DGKB: variants seen among roughly 807,000 people sequenced by gnomAD.
The protein encoded by DGKB is diacylglycerol kinase beta, also known as 90 kDa diacylglycerol kinase.
A neutral mutation model predicts 114.3 loss-of-function variants in DGKB; 67 were observed. The observed-to-expected ratio is 0.59, with a 90% CI of 0.48 to 0.72. The LOEUF is 0.72. DGKB is among the 30% of genes least tolerant of loss of function. The pLI, the probability that DGKB is intolerant of heterozygous loss-of-function variation, is 0.00. For missense variants in DGKB, 907 were observed against 975.2 expected, an observed-to-expected ratio of 0.93 and a Z score of 0.93; for synonymous variants, 398 against 323.1, an observed-to-expected ratio of 1.23 and a Z score of -2.49.
intron 23 of DGKB, among the ~76,000 whole-genome samples, chr7:14,194,658 T>C (rs1254720253): frequency 6.6e-6 from 1 of 152,114 alleles, no homozygotes; most frequent in Non-Finnish European, 1.5e-5. Flanking sequence ...TATGCAGAAA[T>C]ACATATATTC....
At chr7:14,756,419 C>G (rs769844981) in intron 3 of DGKB, among the ~76,000 whole-genome samples, 2 of 151,736 alleles carry the variant, frequency 1.3e-5, no homozygotes, top group Non-Finnish European at 2.9e-5. Context: ...GGTCAAACAT[C>G]TATTTTTTTT....
At chr7:14,741,625 G>A (rs1258913708) in intron 4 of DGKB, among the ~76,000 whole-genome samples, 1 of 152,198 alleles carries the variant, frequency 6.6e-6, no homozygotes, top group African/African-American at 2.4e-5. Flanking sequence ...CCTGCTCCAT[G>A]AACAGCTTCT....
At chr7:14,469,960 T>C (rs962651440) in intron 21 of DGKB, among the ~76,000 whole-genome samples, 1 of 151,962 alleles carries the variant, frequency 6.6e-6, no homozygotes, top group African/African-American at 2.4e-5. Context: ...TATTTATCTG[T>C]ACACTATATG....
chr7:14,695,494 C>CTTTTTTTTTTTTTT lies in DGKB; in HGVS notation c.592-1314_592-1301dup. ...AATGTTCATTTCTCTCTCTCTCTCTCTTTTTTTTTTTTTTTTTTTTTTTGA... is the reference window on the plus strand; with the variant it reads ...AATGTTCATTTCTCTCTCTCTCTCTCTTTTTTTTTTTTTTTTTTTTTTTTTTTTTTTTTTTTTGA... On this transcript the variant is annotated intron_variant, in intron 8 of 25. Transcript: ENST00000402815. Among the ~76,000 whole-genome samples, 78 of 75,166 alleles carry CTTTTTTTTTTTTTT rather than the reference C, an allele frequency of 1.0e-3. 12 individuals are homozygous for CTTTTTTTTTTTTTT. Among genetic ancestry groups the CTTTTTTTTTTTTTT allele is most frequent in the East Asian group, 1.5e-3 (3 of 1,958 alleles). 49.3% of individuals were successfully genotyped at this position (75,166 alleles called of 152,430 possible).
intron 13 of DGKB, among the ~76,000 whole-genome samples, chr7:14,668,368 G>A (rs536600342): frequency 1.3e-5 from 2 of 152,204 alleles, no homozygotes; most frequent in African/African-American, 4.8e-5. Flanking sequence ...GGTTTCAGTA[G>A]CTGAGATACA....
chr7:14,749,957 G>A (rs764415551), intron 4 of DGKB, among the ~76,000 whole-genome samples: 1 of 152,068 alleles, frequency 6.6e-6, no homozygotes, highest in Non-Finnish European at 1.5e-5. Flanking sequence ...GATCCAACAC[G>A]ACTTTGCATC....
intron 2 of DGKB, among the ~76,000 whole-genome samples, chr7:14,815,992 ATT>A (rs1197646001): frequency 6.6e-6 from 1 of 152,178 alleles, no homozygotes; most frequent in African/African-American, 2.4e-5. Context: ...GCATTGCTAT[ATT>A]TTATCTCTGT....
chr7:14,675,378 C>T (rs1292816873), intron 12 of DGKB, among the ~76,000 whole-genome samples: 1 of 151,914 alleles, frequency 6.6e-6, no homozygotes, highest in Non-Finnish European at 1.5e-5. Flanking sequence ...TTGAGGGTTA[C>T]TGATGTAAGA....
Position 14,356,507 on chromosome 7 carries a change from G to A in DGKB, c.1836-11116C>T, listed in dbSNP as rs145169178. Among the ~76,000 whole-genome samples the A allele has an allele frequency of 9.9e-3, 1,502 of 151,806 alleles. 23 individuals carry two copies. The highest frequency in any genetic ancestry group is 0.011 in the Non-Finnish European group (755 of 67,884). ...CTCCCGAGTAGCTGGGACTACAGGT[G>A]CCTGCAACCACGCCCAGCTAATTTT... On this transcript the variant is annotated intron_variant, in intron 21 of 25. Coordinates refer to ENST00000402815, the MANE Select transcript of DGKB (RefSeq NM_001350709.2).
At chr7:14,942,690 C>G (rs73287078) in intron 1 of DGKB, among the ~76,000 whole-genome samples, 5,289 of 150,840 alleles carry the variant, frequency 0.035, 276 homozygotes, top group African/African-American at 0.12. Context: ...CTTTCAGGTT[C>G]TTTGACTTTT....
chr7:14,736,137 G>T lies in DGKB; in HGVS notation c.226C>A (p.Pro76Thr). 2 of 1,609,662 alleles carry T rather than the reference G, an allele frequency of 1.2e-6. No individual in the cohort carries two copies. The highest frequency in any genetic ancestry group is 1.7e-6 in the Non-Finnish European group (2 of 1,176,800). ...FMKTFLEAEL[P>T]DDFTAHLFMS... is the part of the protein sequence containing the mutation. ...AAAAGGTGTGCAGTGAAATCATCAGGAAGCTCGGCTTCCAGGAATGTCTTC... is the reference window on the plus strand; with the variant it reads ...AAAAGGTGTGCAGTGAAATCATCAGTAAGCTCGGCTTCCAGGAATGTCTTC... Residue 76 changes from proline to threonine, a missense_variant, in exon 5 of 26, where the codon CCT (proline) becomes ACT (threonine). Transcript: ENST00000402815.
chr7:14,460,268 T>C (rs547100004), intron 21 of DGKB, among the ~76,000 whole-genome samples: 1 of 152,026 alleles, frequency 6.6e-6, no homozygotes, highest in African/African-American at 2.4e-5. Flanking sequence ...TAAATGTAAA[T>C]GGGGGAAATG....
At chr7:14,636,547 T>C (rs1484807636) in intron 13 of DGKB, among the ~76,000 whole-genome samples, 1 of 151,846 alleles carries the variant, frequency 6.6e-6, no homozygotes, top group Non-Finnish European at 1.5e-5. Context: ...TCCAGTGTAC[T>C]AGGAAATCTG....
chr7:14,560,985 G>A (rs1796576417), intron 20 of DGKB, among the ~76,000 whole-genome samples: 1 of 152,120 alleles, frequency 6.6e-6, no homozygotes, highest in Non-Finnish European at 1.5e-5. Context: ...TTCATTATTT[G>A]AATGTCTTCT....
At position 14,338,571 on chromosome 7, in the gene DGKB, C is replaced by A; in HGVS notation, c.2066G>T (p.Gly689Val). The A allele has an allele frequency of 1.9e-6, 3 of 1,607,996 alleles. No homozygotes were observed. Among genetic ancestry groups the A allele is most frequent in the Non-Finnish European group, 2.5e-6 (3 of 1,177,096 alleles). Reference sequence around the variant, plus strand: ...TGTGACGGTGGTCCTTTTGTCAGACCCTTTTTTCTCTATTCGTCGATGGCT... The same window carrying A: ...TGTGACGGTGGTCCTTTTGTCAGACACTTTTTTCTCTATTCGTCGATGGCT... The part of the protein sequence containing the change: ...RRSHRRIEKK[G>V]SDKRTTVTDA... Residue 689 changes from glycine to valine, a missense_variant, in exon 23 of 26, where the codon GGG becomes GTG. Around this residue, in one of 3 missense-constraint regions of DGKB, gnomAD observed 814 missense variants for 856.6 expected, o/e 0.95. Transcript: ENST00000402815.
intron 1 of DGKB, among the ~76,000 whole-genome samples, chr7:14,948,389 C>A (rs940738745): frequency 2.0e-5 from 3 of 151,718 alleles, no homozygotes; most frequent in African/African-American, 7.2e-5. Context: ...AAGTGTCATG[C>A]ACTACTGGTT....
intron 2 of DGKB, among the ~76,000 whole-genome samples, chr7:14,804,685 A>G (rs565790064): frequency 6.6e-6 from 1 of 152,198 alleles, no homozygotes; most frequent in Non-Finnish European, 1.5e-5. Flanking sequence ...GGTATCTGTT[A>G]ACTGTTCCTT....
intron 21 of DGKB, among the ~76,000 whole-genome samples, chr7:14,454,672 T>A (rs184330278): frequency 1.8e-4 from 27 of 152,152 alleles, no homozygotes; most frequent in Non-Finnish European, 3.5e-4. Context: ...TTTTTCACTT[T>A]CTAAGAATCA....
At chr7:14,826,421 A>G (rs1022397370) in intron 2 of DGKB, among the ~76,000 whole-genome samples, 1 of 152,024 alleles carries the variant, frequency 6.6e-6, no homozygotes, top group Non-Finnish European at 1.5e-5. Flanking sequence ...AAACATTTTC[A>G]CCTTTCATGA....
Sources: allele counts gnomAD v4.1 joint callset (sites outside exome capture counted in the v4.1 genomes callset), GRCh38; gene constraint gnomAD v4.1.1; regional missense constraint gnomAD v4.1.1; transcripts MANE v1.5; gene names NCBI Gene and HGNC (gene_info 2026-07-23, HGNC 2026-07-21).